Variants in FGG observed in about 807,000 individuals in gnomAD.
FGG encodes fibrinogen, gamma polypeptide.
Under a neutral mutation model 51.7 loss-of-function variants are expected in FGG, and 20 were observed. That is an observed-to-expected ratio of 0.39 (90% CI 0.27 to 0.56). The LOEUF is 0.56. Among genes scored for constraint, FGG ranks in the 20% least tolerant of loss-of-function variants. FGG has a pLI of 0.64. For synonymous variants in FGG, 184 were observed against 184.7 expected, an observed-to-expected ratio of 1.00 and a Z score of 0.03; for missense variants, 460 against 534.2, an observed-to-expected ratio of 0.86 and a Z score of 1.37.
rs1200522246 is a variant in FGG at position 154,612,565 on chromosome 4, A to AT, written c.44dup (p.Tyr15Ter). 2 of 1,613,914 alleles carry AT rather than the reference A, an allele frequency of 1.2e-6. No individual in the cohort carries two copies. Among genetic ancestry groups the AT allele is most frequent in the African/African-American group, 2.7e-5 (2 of 74,928 alleles). The change falls in exon 1 of 9, where the codon TAT becomes TAAT. Residue 15 changes from tyrosine to a stop codon, truncating the protein, a stop_gained and frameshift_variant. Coordinates refer to ENST00000336098, the MANE Select transcript of FGG (RefSeq NM_021870.3). LOFTEE classifies it high-confidence loss of function. ...ATGTTGAAGAGAGAAATAAAAGAGC[A>AT]TAGAAGTAGAGAATTAAATTCCGGG... is the stretch of plus-strand genomic sequence containing the variant. ...LHPRNLILYFYALLFLSSTCV... is the reference protein window; with the variant it reads ...LHPRNLILYF
At chr4:154,611,626 AG>A in intron 4 of FGG, 178 bp downstream of exon 4, 1 of 551,144 alleles carries the variant, frequency 1.8e-6, no homozygotes, top group Non-Finnish European at 3.2e-6. Context: ...ATTATAACCC[AG>A]TATAATTTAT....
intron 6 of FGG, among the ~76,000 whole-genome samples, 161 bp downstream of exon 6, chr4:154,609,469 A>C (rs1731160805): frequency 6.6e-6 from 1 of 152,158 alleles, no homozygotes; most frequent in African/African-American, 2.4e-5. Flanking sequence ...TGTGTGCCTC[A>C]GTTTCCTTTT....
At chr4:154,612,304 G>T in intron 2 of FGG, 87 bp downstream of exon 2, 2 of 1,582,274 alleles carry the variant, frequency 1.3e-6, no homozygotes, top group Non-Finnish European at 1.7e-6. Flanking sequence ...AGTTACAAGT[G>T]CCAGATGATA....
intron 4 of FGG, chr4:154,611,587 T>A (rs536337501): frequency 6.8e-6 from 3 of 440,810 alleles, no homozygotes; most frequent in African/African-American, 4.0e-5. Context: ...ATCTAGAACA[T>A]CTTTCTTCAA....
At chr4:154,606,619 C>T in intron 8 of FGG, 86 bp downstream of exon 8, 1 of 1,367,728 alleles carries the variant, frequency 7.3e-7, no homozygotes, top group Non-Finnish European at 1.0e-6. Flanking sequence ...ATAAATTATT[C>T]TTCATTTCTT....
intron 6 of FGG, among the ~76,000 whole-genome samples, chr4:154,609,253 A>G (rs1457339439): frequency 6.6e-6 from 1 of 152,002 alleles, no homozygotes; most frequent in Non-Finnish European, 1.5e-5. Flanking sequence ...GTGATGGGAA[A>G]CCTCAGGTCT....
At position 154,612,160 on chromosome 4, in the gene FGG, C is replaced by A; in HGVS notation, c.165G>T (p.Leu55=). ...TGTCTACTTTGGTTTGATAAGTAGA[C>A]AGGAAATCTGCAATGCCACAGGTAG... ...CPTTCGIADF[L]STYQTKVDKD... Residue 55 remains leucine (L), a synonymous_variant, in exon 3 of 9, where the codon CTG becomes CTT. Coordinates refer to ENST00000336098, the MANE Select transcript of FGG (RefSeq NM_021870.3). 6.2e-7 allele frequency: 1 copy of A among 1,611,208 alleles called. No homozygotes were observed.
Position 154,609,694 on chromosome 4 carries a change from T to C in FGG, c.602A>G (p.Asn201Ser). The change falls in exon 6 of 9, where the codon AAC becomes AGC. Residue 201 changes from asparagine (N) to serine (S), a missense_variant. Coordinates refer to ENST00000336098, the MANE Select transcript of FGG (RefSeq NM_021870.3). ...TTCACAGTAGACTAAGAATTGCTGG[T>C]TAGCTTTCAGAGGTTTAATAAAGTA... ...GLYFIKPLKA[N>S]QQFLVYCEID... 1 of 1,614,006 alleles carries C rather than the reference T, an allele frequency of 6.2e-7. No individual in the cohort carries two copies. The highest frequency in any genetic ancestry group is 8.5e-7 in the Non-Finnish European group (1 of 1,179,898).
chr4:154,609,626 T>C lies in FGG; in HGVS notation c.666+4A>G. ...TTAAATACACATGGTGGGGAAAAAA[T>C]TACCTTCTGAAACACAGTCCATCCA... On this transcript the variant is annotated splice_donor_region_variant and intron_variant, in intron 6 of 8. Transcript: ENST00000336098. 1.9e-6 allele frequency: 3 copies of C among 1,613,728 alleles called. No individual in the cohort carries two copies. The highest frequency in any genetic ancestry group is 8.5e-7 in the Non-Finnish European group (1 of 1,179,834).
chr4:154,604,794 C>G lies in FGG; in HGVS notation c.*40G>C. The G allele has an allele frequency of 6.2e-7, 1 of 1,612,260 alleles. No homozygotes were observed. Among genetic ancestry groups the G allele is most frequent in the Non-Finnish European group, 8.5e-7 (1 of 1,179,682 alleles). ...AAAGGAAGAAACTTTCAGAGAATTT[C>G]TGAAACTTTGTGGGTCAATAGAAGT... On this transcript the variant is annotated 3_prime_UTR_variant, in exon 9 of 9. Coordinates refer to ENST00000336098, the MANE Select transcript of FGG (RefSeq NM_021870.3).
chr4:154,611,575 A>G (rs909660265), intron 4 of FGG: 40 of 358,304 alleles, frequency 1.1e-4, no homozygotes, highest in African/African-American at 8.2e-4. Context: ...GCATTTGAAG[A>G]CATCTAGAAC....
chr4:154,609,855 T>C, intron 5 of FGG, 92 bp from the exon 6 acceptor site: 1 of 1,582,098 alleles, frequency 6.3e-7, no homozygotes, highest in East Asian at 2.2e-5. Flanking sequence ...TAGTAAACTA[T>C]TCATTTTCCA....
chr4:154,605,867 G>C (rs1331333778), intron 8 of FGG, among the ~76,000 whole-genome samples: 1 of 151,942 alleles, frequency 6.6e-6, no homozygotes, highest in Non-Finnish European at 1.5e-5. Flanking sequence ...CTACAAGCCC[G>C]GAGTGGTTTG....
chr4:154,612,244 C>T (rs754507293), intron 2 of FGG, 43 bp from the exon 3 acceptor site: 33 of 1,600,310 alleles, frequency 2.1e-5, no homozygotes, highest in Non-Finnish European at 2.7e-5. Flanking sequence ...AGATGCTACT[C>T]TTAAAATCTA....
chr4:154,608,321 C>A (rs1220834007), intron 7 of FGG, 145 bp downstream of exon 7: 10 of 799,140 alleles, frequency 1.3e-5, no homozygotes, highest in Non-Finnish European at 2.1e-5. Flanking sequence ...TGCCCAAGAA[C>A]CAAACAGACT....
intron 7 of FGG, among the ~76,000 whole-genome samples, 194 bp downstream of exon 7, chr4:154,608,272 C>T (rs1323535275): frequency 6.6e-6 from 1 of 152,124 alleles, no homozygotes; most frequent in Non-Finnish European, 1.5e-5. Context: ...TGTACCAATA[C>T]ACTTAGATTC....
chr4:154,610,369 T>G (rs908385272), intron 4 of FGG, among the ~76,000 whole-genome samples, 172 bp from the exon 5 acceptor site: 1 of 152,126 alleles, frequency 6.6e-6, no homozygotes, highest in African/African-American at 2.4e-5. Context: ...TAAATTAACA[T>G]GAATTAAAAT....
Position 154,604,423 on chromosome 4 carries a change from T to G in FGG, c.*411A>C. 7.5e-7 allele frequency: 1 copy of G among 1,333,324 alleles called. No homozygotes were observed. The highest frequency in any genetic ancestry group is 1.0e-6 in the Non-Finnish European group (1 of 987,096). 82.6% of individuals were successfully genotyped at this position (1,333,324 alleles called of 1,614,324 possible). ...ATTTTCTCCATTTAAAAAGAAGAAT[T>G]AAATAGGAATGATTTAGGGGTAATA... is the stretch of plus-strand genomic sequence containing the variant. On this transcript the variant is annotated 3_prime_UTR_variant, in exon 9 of 9. Transcript: ENST00000336098.
At chr4:154,612,503 AAAC>A (rs777575628) in intron 1 of FGG, 26 bp downstream of exon 1, 4 of 1,613,844 alleles carry the variant, frequency 2.5e-6, no homozygotes, top group Non-Finnish European at 3.4e-6. Flanking sequence ...TTTCCATTTT[AAAC>A]AACGTTTTGT....
Sources: gnomAD v4.1 joint callset for allele counts (sites outside exome capture counted in the v4.1 genomes callset) on GRCh38, gnomAD v4.1.1 for gene constraint, MANE v1.5 for transcripts, NCBI Gene and HGNC (gene_info 2026-07-23, HGNC 2026-07-21) for gene names.